Variants in SLC37A1 observed in about 807,000 individuals in gnomAD.
SLC37A1 encodes glucose-6-phosphate exchanger SLC37A1.
Under a neutral mutation model 75.3 loss-of-function variants are expected in SLC37A1, and 49 were observed. That is an observed-to-expected ratio of 0.65 (90% CI 0.52 to 0.83). The LOEUF is 0.83. SLC37A1 is among the 40% of genes least tolerant of loss of function. The probability of loss-of-function intolerance (pLI) is 0.00; values close to 1 mark genes in which losing one functional copy is unlikely to be tolerated. For synonymous variants in SLC37A1, 268 were observed against 292.1 expected (o/e 0.92, Z 0.84); for missense variants, 566 against 695.0 (o/e 0.81, Z 2.09).
At chr21:42,511,181 G>A (rs2054429540), upstream of SLC37A1, among the ~76,000 whole-genome samples, 1 of 152,190 alleles carries the variant, frequency 6.6e-6, no homozygotes, top group African/African-American at 2.4e-5. Context: ...TCAGTAACAG[G>A]AGGAAAATTG....
intron 10 of SLC37A1, among the ~76,000 whole-genome samples, chr21:42,554,861 A>G (rs2055645044): frequency 1.3e-5 from 2 of 151,958 alleles, no homozygotes; most frequent in Admixed American, 1.3e-4. Context: ...GGCTCCTCAC[A>G]TTGCTGCTGC....
intron 17 of SLC37A1, among the ~76,000 whole-genome samples, chr21:42,569,078 A>G (rs2056055868): frequency 6.6e-6 from 1 of 152,108 alleles, no homozygotes; most frequent in Admixed American, 6.5e-5. Flanking sequence ...TCCTTCCTAC[A>G]TGGGGGACGT....
Position 42,563,569 on chromosome 21 carries a change from G to C in SLC37A1, c.1073-246G>C, listed in dbSNP as rs767947650. On this transcript the variant is annotated intron_variant, in intron 12 of 19. Transcript: ENST00000352133. ...CTTTATGGCGGAGGGGCCCCTGGGG[G>C]GGTCTCTGAACCAAAGGTGGGATAA... Among the ~76,000 whole-genome samples, 5 of 152,214 alleles carry C rather than the reference G, an allele frequency of 3.3e-5. No homozygotes were observed. In the East Asian group the frequency reaches 9.6e-4, roughly 29 times the overall value.
At chr21:42,511,576 G>T (rs905681539), upstream of SLC37A1, among the ~76,000 whole-genome samples, 17 of 152,276 alleles carry the variant, frequency 1.1e-4, no homozygotes, top group Middle Eastern at 3.4e-3. Flanking sequence ...GCTTGAACCT[G>T]GGAGTTCAAG....
chr21:42,570,032 C>CG (rs2056091273), intron 17 of SLC37A1, among the ~76,000 whole-genome samples: 2 of 145,974 alleles, frequency 1.4e-5, no homozygotes, highest in South Asian at 4.3e-4. Flanking sequence ...ATGTGACACA[C>CG]GGCCTGATTC....
In SLC37A1 at chr21:42,565,019, C is replaced by T. The variant is rs139916035; in HGVS notation, c.1221+226C>T. ...TGCTGCTGGTTTAGCATGGGCCGCG[C>T]GCAAGCTGCTCCTCTCTTTGGGGTG... is the stretch of plus-strand genomic sequence containing the variant. On this transcript the variant is annotated intron_variant, in intron 14 of 19. Coordinates refer to ENST00000352133, the MANE Select transcript of SLC37A1 (RefSeq NM_001320537.2). 1.8e-3 allele frequency among the ~76,000 whole-genome samples: 275 copies of T among 152,406 alleles called. 1 individual carries two copies. Among genetic ancestry groups the T allele is most frequent in the Middle Eastern group, 3.4e-3 (1 of 294 alleles).
intron 7 of SLC37A1, 137 bp from the exon 8 acceptor site, chr21:42,543,299 A>T: frequency 1.0e-6 from 1 of 984,398 alleles, no homozygotes. Context: ...CCTGCATGGC[A>T]CAGAAGCAGG....
In SLC37A1 at chr21:42,539,572, C is replaced by A; in HGVS notation, c.411C>A (p.Ser137Arg). The A allele has an allele frequency of 1.2e-6, 2 of 1,613,942 alleles. No homozygotes were observed. The change falls in exon 6 of 20, where the codon AGC (serine) becomes AGA (arginine). Residue 137 changes from serine (S) to arginine (R), a missense_variant. Coordinates refer to ENST00000352133, the MANE Select transcript of SLC37A1 (RefSeq NM_001320537.2). ...ACCTAACTTTCGGGATGCTCGCCAGCGGAGCCTTCACCGCCCTGTTCGGCT... is the reference window on the plus strand; with the variant it reads ...ACCTAACTTTCGGGATGCTCGCCAGAGGAGCCTTCACCGCCCTGTTCGGCT... The part of the protein sequence containing the change: ...RYYLTFGMLA[S>R]GAFTALFGLG...
In SLC37A1 at chr21:42,539,626, C is replaced by T. The variant is rs374667153; in HGVS notation, c.465C>T (p.Phe155=). The T allele has an allele frequency of 8.0e-5, 129 of 1,613,478 alleles. No homozygotes were observed. Among genetic ancestry groups the T allele is most frequent in the Non-Finnish European group, 1.0e-4 (118 of 1,179,786 alleles). The change falls in exon 6 of 20, where the codon TTC becomes TTT. Residue 155 remains phenylalanine (F), a synonymous_variant. Coordinates refer to ENST00000352133, the MANE Select transcript of SLC37A1 (RefSeq NM_001320537.2). ...GLGYFYNIHS[F]GFYVVTQVIN... ...GGTATTTCTACAACATCCACAGTTT[C>T]GGATTCTACGTGGTAACTCAGGTAA...
intron 18 of SLC37A1, among the ~76,000 whole-genome samples, 181 bp from the exon 19 acceptor site, chr21:42,579,555 C>CCTGCCCACATCAGACAGCCCTGCCCG (rs1555889807): frequency 6.6e-6 from 1 of 152,128 alleles, no homozygotes. Context: ...CCACAGGAGC[C>CCTGCCCACATCAGACAGCCCTGCCCG]CAGGCCTCCG....
intron 2 of SLC37A1, among the ~76,000 whole-genome samples, chr21:42,524,325 T>C (rs2054726666): frequency 6.6e-6 from 1 of 152,174 alleles, no homozygotes; most frequent in African/African-American, 2.4e-5. Context: ...TGGTTGAGAC[T>C]CTTAGACTGG....
rs2055448420 is a variant in SLC37A1, at chr21:42,547,740, G to C, written c.768+600G>C. 1 of 153,880 alleles carries C rather than the reference G, an allele frequency of 6.5e-6. No homozygotes were observed. Among genetic ancestry groups the C allele is most frequent in the Admixed American group, 6.5e-5 (1 of 15,412 alleles). The allele number at this position is 153,880 out of a possible 1,614,324, so 9.5% of individuals were successfully genotyped here. On this transcript the variant is annotated intron_variant, in intron 9 of 19. Coordinates refer to ENST00000352133, the MANE Select transcript of SLC37A1 (RefSeq NM_001320537.2). The surrounding 1 kb of genome is among the most constrained non-coding windows in gnomAD (Gnocchi z 6.1). ...CCGGTCCCCTCCCTCTCATGGCCCA[G>C]GGCTTGACTCCCGCAGACACACCCC...
intron 2 of SLC37A1, among the ~76,000 whole-genome samples, chr21:42,506,151 T>C (rs2054382250): frequency 6.6e-6 from 1 of 152,248 alleles, no homozygotes; most frequent in Non-Finnish European, 1.5e-5. Flanking sequence ...GGCATTTCCA[T>C]GTACTCTTAC....
Position 42,545,891 on chromosome 21 carries a change from T to A in SLC37A1, c.731-1212T>A, listed in dbSNP as rs2055396350. ...CACCCCACAGCCAGCCACGGACCTC[T>A]GGGTGCAGACCCACCTGGCCCTACG... On this transcript the variant is annotated intron_variant, in intron 8 of 19. Transcript: ENST00000352133. This position sits in a 1 kb window ranked among gnomAD's most constrained non-coding sequence, Gnocchi z 4.0. Among the ~76,000 whole-genome samples, 1 of 152,268 alleles carries A rather than the reference T, an allele frequency of 6.6e-6. No individual in the cohort carries two copies.
At chr21:42,567,405 G>A (rs1601764146) in intron 16 of SLC37A1, among the ~76,000 whole-genome samples, 2 of 152,172 alleles carry the variant, frequency 1.3e-5, no homozygotes, top group African/African-American at 2.4e-5. Context: ...TGGGGGATTC[G>A]GCCCTTCTCA....
chr21:42,563,828 C>CA lies in SLC37A1; in HGVS notation c.1091dup (p.Ala365GlyfsTer9). 6.2e-7 allele frequency: 1 copy of CA among 1,614,116 alleles called. No individual in the cohort carries two copies. ...TCATTTCAATAGATCACCTTGATGC[C>CA]AAAAAGGCGGGGGAGCTCTCCACCC... On this transcript the variant is annotated frameshift_variant, in exon 13 of 20. Coordinates refer to ENST00000352133, the MANE Select transcript of SLC37A1 (RefSeq NM_001320537.2). LOFTEE classifies it high-confidence loss of function.
intron 2 of SLC37A1, among the ~76,000 whole-genome samples, chr21:42,507,659 G>A (rs150712796): frequency 3.6e-4 from 55 of 152,308 alleles, no homozygotes; most frequent in African/African-American, 1.1e-3. Flanking sequence ...TACTTCTTAC[G>A]AAGGCCTCAG....
intron 18 of SLC37A1, 86 bp downstream of exon 18, chr21:42,575,001 C>A: frequency 6.3e-7 from 1 of 1,575,646 alleles, no homozygotes; most frequent in South Asian, 1.2e-5. Flanking sequence ...TTCTCCCATG[C>A]ATTCCTGAGT....
intron 2 of SLC37A1, 32 bp from the exon 3 acceptor site, chr21:42,525,744 A>G (rs377160465): frequency 1.5e-4 from 228 of 1,499,468 alleles, no homozygotes; most frequent in Admixed American, 6.9e-4. Context: ...CTGTTATTTC[A>G]TATCATCCTC....
Sources: allele counts gnomAD v4.1 joint callset (sites outside exome capture counted in the v4.1 genomes callset), GRCh38; gene constraint gnomAD v4.1.1; non-coding constraint Gnocchi (gnomAD v3.1); transcripts MANE v1.5; gene names NCBI Gene and HGNC (gene_info 2026-07-23, HGNC 2026-07-21).